PLCB1: variants seen among roughly 807,000 people sequenced by gnomAD.
PLCB1 encodes the protein 1-phosphatidylinositol 4,5-bisphosphate phosphodiesterase beta-1.
In PLCB1, 46 loss-of-function variants were observed where a neutral mutation model predicts 161.8. That is an observed-to-expected ratio of 0.28 (90% CI 0.22 to 0.36). PLCB1 has a LOEUF of 0.36. PLCB1 is among the 10% of genes least tolerant of loss of function. The pLI, the probability that PLCB1 is intolerant of heterozygous loss-of-function variation, is 1.00. For missense variants in PLCB1, 1,016 were observed against 1,472.5 expected, an observed-to-expected ratio of 0.69 and a Z score of 5.07; for synonymous variants, 517 against 503.7, an observed-to-expected ratio of 1.03 and a Z score of -0.35.
At chr20:8,829,899 T>C (rs756877834) in intron 31 of PLCB1, among the ~76,000 whole-genome samples, 7 of 152,134 alleles carry the variant, frequency 4.6e-5, no homozygotes, top group Non-Finnish European at 7.4e-5. Context: ...CTGCATAGAG[T>C]ATCCAGTGCC....
At chr20:8,516,907 T>C (rs1984152235) in intron 3 of PLCB1, among the ~76,000 whole-genome samples, 1 of 151,898 alleles carries the variant, frequency 6.6e-6, no homozygotes, top group Admixed American at 6.6e-5. Context: ...GTTCCAGGCT[T>C]TACAGTTCTT....
chr20:8,413,102 A>C (rs897999195), intron 3 of PLCB1, among the ~76,000 whole-genome samples: 2 of 152,162 alleles, frequency 1.3e-5, no homozygotes, highest in South Asian at 2.1e-4. Context: ...ATTAATGTTT[A>C]CTTTGTTTTC....
At chr20:8,837,635 T>C (rs971602432) in intron 31 of PLCB1, among the ~76,000 whole-genome samples, 3 of 152,114 alleles carry the variant, frequency 2.0e-5, no homozygotes, top group Non-Finnish European at 4.4e-5. Flanking sequence ...CTTAGAGACA[T>C]TGGGATGTTA....
intron 3 of PLCB1, among the ~76,000 whole-genome samples, chr20:8,516,505 A>G (rs1349416713): frequency 6.6e-6 from 1 of 152,014 alleles, no homozygotes; most frequent in Non-Finnish European, 1.5e-5. Context: ...TCTATCAGAG[A>G]TAGTTTCCCT....
At chr20:8,661,450 C>A (rs951477586) in intron 9 of PLCB1, among the ~76,000 whole-genome samples, 1 of 152,098 alleles carries the variant, frequency 6.6e-6, no homozygotes, top group Admixed American at 6.6e-5. Flanking sequence ...GTATAACGTG[C>A]ATCCTCAGTC....
intron 2 of PLCB1, among the ~76,000 whole-genome samples, chr20:8,324,561 C>T (rs978190489): frequency 6.6e-6 from 1 of 152,094 alleles, no homozygotes; most frequent in Admixed American, 6.6e-5. Context: ...TAATTGGCAG[C>T]TCTTCTCTGA....
chr20:8,850,892 GC>G (rs1181414965), intron 31 of PLCB1, among the ~76,000 whole-genome samples: 3 of 152,178 alleles, frequency 2.0e-5, no homozygotes, highest in Non-Finnish European at 4.4e-5. Flanking sequence ...TATTTCAGAA[GC>G]CTGTCTCTGA....
chr20:8,828,214 C>T (rs1985806680), intron 31 of PLCB1, among the ~76,000 whole-genome samples: 1 of 152,122 alleles, frequency 6.6e-6, no homozygotes, highest in South Asian at 2.1e-4. Context: ...AACATGTATC[C>T]AAAGGCTCCA....
intron 2 of PLCB1, among the ~76,000 whole-genome samples, chr20:8,152,030 A>AT (rs1156848870): frequency 1.3e-5 from 2 of 152,070 alleles, no homozygotes; most frequent in Non-Finnish European, 2.9e-5. Context: ...ATTTGTTTTC[A>AT]TTTTTTACAC....
At chr20:8,736,456 TATTA>T (rs1341011696) in intron 19 of PLCB1, among the ~76,000 whole-genome samples, 10 of 152,220 alleles carry the variant, frequency 6.6e-5, no homozygotes, top group African/African-American at 2.4e-4. Flanking sequence ...TACTGTGTCT[TATTA>T]ATTGACTACT....
intron 3 of PLCB1, among the ~76,000 whole-genome samples, chr20:8,577,674 A>G (rs1986718608): frequency 6.6e-6 from 1 of 152,180 alleles, no homozygotes; most frequent in Non-Finnish European, 1.5e-5. Flanking sequence ...TAAAAGCTAG[A>G]GATAAATCCA....
chr20:8,880,638 G>C (rs1043490805), intron 31 of PLCB1, among the ~76,000 whole-genome samples: 2 of 152,024 alleles, frequency 1.3e-5, no homozygotes, highest in African/African-American at 4.8e-5. Context: ...TGGCTTCCAG[G>C]CCTCTGACTA....
intron 31 of PLCB1, among the ~76,000 whole-genome samples, chr20:8,808,855 A>C (rs1984670620): frequency 6.6e-6 from 1 of 152,182 alleles, no homozygotes; most frequent in Admixed American, 6.5e-5. Context: ...TTTTTCAGGG[A>C]TTTTGTGACC....
chr20:8,541,004 C>G (rs1341190653), intron 3 of PLCB1, among the ~76,000 whole-genome samples: 1 of 151,962 alleles, frequency 6.6e-6, no homozygotes, highest in East Asian at 1.9e-4. Context: ...GCACAAACAC[C>G]CAGAAAGTAA....
intron 2 of PLCB1, among the ~76,000 whole-genome samples, chr20:8,222,986 C>G (rs1979491331): frequency 6.6e-6 from 1 of 152,092 alleles, no homozygotes; most frequent in Non-Finnish European, 1.5e-5. Flanking sequence ...GTCCATAGGT[C>G]TACTGCCTGT....
intron 2 of PLCB1, among the ~76,000 whole-genome samples, chr20:8,315,388 C>T (rs1984597766): frequency 6.6e-6 from 1 of 152,166 alleles, no homozygotes; most frequent in African/African-American, 2.4e-5. Context: ...TCTCTTGTGG[C>T]TCATGGTAAT....
At chr20:8,479,982 T>C (rs1389556106) in intron 3 of PLCB1, among the ~76,000 whole-genome samples, 2 of 152,210 alleles carry the variant, frequency 1.3e-5, no homozygotes, top group Non-Finnish European at 2.9e-5. Flanking sequence ...ATAGTGATGG[T>C]GAACTATCTA....
At chr20:8,195,286 C>T (rs2052009625) in intron 2 of PLCB1, among the ~76,000 whole-genome samples, 1 of 151,962 alleles carries the variant, frequency 6.6e-6, no homozygotes, top group South Asian at 2.1e-4. Context: ...TTAAGATTCT[C>T]CTATAGATAT....
At chr20:8,155,790 T>C (rs959637289) in intron 2 of PLCB1, among the ~76,000 whole-genome samples, 1 of 152,228 alleles carries the variant, frequency 6.6e-6, no homozygotes, top group African/African-American at 2.4e-5. Context: ...GATGTAGTTA[T>C]AAATTTAGAA....
Sources: allele counts gnomAD v4.1 joint callset (sites outside exome capture counted in the v4.1 genomes callset), GRCh38; gene constraint gnomAD v4.1.1; transcripts MANE v1.5; gene names NCBI Gene and HGNC (gene_info 2026-07-23, HGNC 2026-07-21).